The following GLT1D1 variants were observed in gnomAD, a reference collection of about 807,000 sequenced individuals.
GLT1D1 encodes the protein glycosyltransferase 1 domain-containing protein 1.
In GLT1D1, 21 loss-of-function variants were observed where a neutral mutation model predicts 28.7. The observed-to-expected ratio is 0.73, with a 90% CI of 0.52 to 1.05. The LOEUF (loss-of-function observed/expected upper bound fraction) is 1.05. Ranked by LOEUF, GLT1D1 falls within the 50% of genes least tolerant of loss-of-function variation. The pLI is 0.00. For synonymous variants in GLT1D1, 147 were observed against 124.8 expected (o/e 1.18, Z -1.19); for missense variants, 343 against 330.6 (o/e 1.04, Z -0.29).
At chr12:128,875,796 G>A in intron 1 of GLT1D1, 118 bp from the exon 2 acceptor site, 2 of 981,078 alleles carry the variant, frequency 2.0e-6, no homozygotes, top group South Asian at 3.2e-5. Context: ...GTGAAACTCT[G>A]TCTCAACAAC....
chr12:128,898,716 C>T (rs1321320064), intron 3 of GLT1D1, among the ~76,000 whole-genome samples: 2 of 152,206 alleles, frequency 1.3e-5, no homozygotes, highest in Non-Finnish European at 2.9e-5. Flanking sequence ...TCATGGCAAA[C>T]ATAATGTTAA....
At chr12:128,903,337 G>A (rs954897670) in intron 4 of GLT1D1, among the ~76,000 whole-genome samples, 9 of 151,718 alleles carry the variant, frequency 5.9e-5, no homozygotes, top group Admixed American at 4.6e-4. Flanking sequence ...AAGAGAGAAC[G>A]GGCCTCAACT....
chr12:128,920,129 A>T (rs553517776), intron 4 of GLT1D1, among the ~76,000 whole-genome samples: 53 of 152,336 alleles, frequency 3.5e-4, no homozygotes, highest in Non-Finnish European at 5.7e-4. Context: ...TTTTGTATGG[A>T]AAACTAGTGT....
intron 4 of GLT1D1, among the ~76,000 whole-genome samples, chr12:128,933,171 G>T (rs537182500): frequency 4.6e-5 from 7 of 152,216 alleles, no homozygotes; most frequent in Non-Finnish European, 8.8e-5. Context: ...TTTCCTAAAA[G>T]CCCTGTTTAT....
intron 4 of GLT1D1, 41 bp downstream of exon 7, chr12:128,926,495 C>A: frequency 9.5e-7 from 1 of 1,053,252 alleles, no homozygotes; most frequent in Non-Finnish European, 1.4e-6. Flanking sequence ...TTATAGAATT[C>A]CTTGTGGGCG....
At chr12:128,872,345 T>C (rs1225649962) in intron 1 of GLT1D1, among the ~76,000 whole-genome samples, 1 of 152,162 alleles carries the variant, frequency 6.6e-6, no homozygotes, top group Non-Finnish European at 1.5e-5. Context: ...ATAAATGCAG[T>C]GCAGAGGGGT....
rs908609357 is a variant in GLT1D1 at position 128,932,750 on chromosome 12, G to T, written c.376-12576G>T. On this transcript the variant is annotated intron_variant, in intron 4 of 7. Transcript: ENST00000281703. ...GGCCGCCGGTCTTCAGCCTCGGGGG[G>T]CCTTTAGCAGAGGCGAAGGCTCTGG... Among the ~76,000 whole-genome samples, 9 of 152,266 alleles carry T rather than the reference G, an allele frequency of 5.9e-5. No homozygotes were observed. In the East Asian group the frequency reaches 1.4e-3, roughly 23 times the overall value.
chr12:128,956,397 G>A (rs1180684310), intron 6 of GLT1D1, among the ~76,000 whole-genome samples: 1 of 152,068 alleles, frequency 6.6e-6, no homozygotes, highest in Admixed American at 6.6e-5. Context: ...GTGAAAACCA[G>A]AATGGTTATA....
chr12:128,868,079 C>T (rs1456404147), intron 1 of GLT1D1, among the ~76,000 whole-genome samples: 1 of 152,230 alleles, frequency 6.6e-6, no homozygotes, highest in Non-Finnish European at 1.5e-5. Flanking sequence ...ATGGCTTTTG[C>T]CATAAGAAGG....
chr12:128,859,356 A>G (rs1186101355), intron 1 of GLT1D1, among the ~76,000 whole-genome samples: 1 of 152,212 alleles, frequency 6.6e-6, no homozygotes, highest in Non-Finnish European at 1.5e-5. Flanking sequence ...CACAGCACAG[A>G]ATCCTGTAGA....
At chr12:128,874,098 T>TTCTC (rs1263001892) in intron 1 of GLT1D1, among the ~76,000 whole-genome samples, 43 of 33,040 alleles carry the variant, frequency 1.3e-3, no homozygotes, top group Non-Finnish European at 1.9e-3. Flanking sequence ...CTTTCTTTCT[T>TTCTC]TCTCTCTCTC....
rs1878933748 is a variant in GLT1D1, at chr12:128,970,515, C to G, written c.640-12414C>G. Reference sequence around the variant, plus strand: ...GCACCAAGTCAAAGTCCGCTTCTATCCACTGCAGCTGAGGACCCTCTGGTG... The same window carrying G: ...GCACCAAGTCAAAGTCCGCTTCTATGCACTGCAGCTGAGGACCCTCTGGTG... On this transcript the variant is annotated intron_variant, in intron 7 of 7. Transcript: ENST00000281703. Among the ~76,000 whole-genome samples, 4 of 152,242 alleles carry G rather than the reference C, an allele frequency of 2.6e-5. No individual in the cohort carries two copies. In the South Asian group the frequency reaches 8.3e-4, roughly 32 times the overall value.
At chr12:128,919,479 A>G (rs1872435661) in intron 4 of GLT1D1, among the ~76,000 whole-genome samples, 1 of 152,226 alleles carries the variant, frequency 6.6e-6, no homozygotes, top group Non-Finnish European at 1.5e-5. Flanking sequence ...GGCATGTCAC[A>G]GGTTTTCTGA....
intron 1 of GLT1D1, among the ~76,000 whole-genome samples, chr12:128,861,972 T>C (rs1956389102): frequency 6.6e-6 from 1 of 152,210 alleles, no homozygotes; most frequent in Admixed American, 6.5e-5. Flanking sequence ...ATTTTATTTT[T>C]TCTGCCTTCC....
intron 4 of GLT1D1, 112 bp from the exon 6 acceptor site, chr12:128,914,821 A>G (rs1021124136): frequency 1.3e-6 from 1 of 790,156 alleles, no homozygotes; most frequent in African/African-American, 1.7e-5. Context: ...CTCTGTCTCA[A>G]AATAATAAGA....
chr12:128,881,065 A>G (rs1957020184), intron 2 of GLT1D1, among the ~76,000 whole-genome samples: 1 of 151,682 alleles, frequency 6.6e-6, no homozygotes, highest in Non-Finnish European at 1.5e-5. Context: ...TCTACTAAAA[A>G]TACAAAAATT....
chr12:128,898,558 C>T (rs1288859874), intron 3 of GLT1D1, among the ~76,000 whole-genome samples: 1 of 152,174 alleles, frequency 6.6e-6, no homozygotes, highest in Non-Finnish European at 1.5e-5. Context: ...TGTCAAATTT[C>T]AATAGAAATC....
intron 1 of GLT1D1, among the ~76,000 whole-genome samples, chr12:128,870,640 C>T (rs2135783229): frequency 6.6e-6 from 1 of 152,242 alleles, no homozygotes; most frequent in South Asian, 2.1e-4. Flanking sequence ...TTAGATTAGA[C>T]AAATTTATTT....
intron 7 of GLT1D1, among the ~76,000 whole-genome samples, chr12:128,978,872 A>T (rs747174663): frequency 6.6e-6 from 1 of 152,162 alleles, no homozygotes; most frequent in Non-Finnish European, 1.5e-5. Flanking sequence ...TTGCCATAGC[A>T]TTTGTAAACT....
Sources: allele counts gnomAD v4.1 joint callset (sites outside exome capture counted in the v4.1 genomes callset), GRCh38; gene constraint gnomAD v4.1.1; transcripts MANE v1.5; gene names NCBI Gene and HGNC (gene_info 2026-07-23, HGNC 2026-07-21).